PABPC4L: variants seen among roughly 807,000 people sequenced by gnomAD.
PABPC4L encodes the protein polyadenylate-binding protein 4-like.
For missense variants in PABPC4L, 452 were observed against 451.4 expected (o/e 1.00, Z -0.01); for synonymous variants, 169 against 164.1 (o/e 1.03, Z -0.23).
At chr4:134,057,199 CTAA>C in the PABPC4L span, among the ~76,000 whole-genome samples, 2 of 152,064 alleles carry the variant, frequency 1.3e-5, no homozygotes, top group African/African-American at 4.8e-5. Context: ...TCCAGTGACA[CTAA>C]TGTTATATCT....
the PABPC4L span, among the ~76,000 whole-genome samples, chr4:134,110,372 T>C: frequency 2.6e-5 from 4 of 151,998 alleles, no homozygotes; most frequent in South Asian, 4.1e-4. Flanking sequence ...AAGATTATTC[T>C]AAAGGATTTT....
At chr4:133,982,630 G>A in the PABPC4L span, among the ~76,000 whole-genome samples, 1 of 151,908 alleles carries the variant, frequency 6.6e-6, no homozygotes, top group Non-Finnish European at 1.5e-5. Context: ...GGTTATGAAC[G>A]TTTTGGAGCA....
At chr4:134,136,655 C>T in the PABPC4L span, among the ~76,000 whole-genome samples, 1 of 151,992 alleles carries the variant, frequency 6.6e-6, no homozygotes, top group East Asian at 1.9e-4. Flanking sequence ...TGGACATCTG[C>T]ATTCTAGAAA....
the PABPC4L span, among the ~76,000 whole-genome samples, chr4:134,094,236 T>C: frequency 0.025 from 3,788 of 152,054 alleles, 132 homozygotes; most frequent in African/African-American, 0.085. Context: ...CTTAATTTTT[T>C]CCATATTTTT....
the PABPC4L span, among the ~76,000 whole-genome samples, chr4:134,183,829 T>G: frequency 6.6e-6 from 1 of 151,924 alleles, no homozygotes; most frequent in Middle Eastern, 3.4e-3. Context: ...TTTTCATTGA[T>G]TAGAAGGCTA....
Position 134,199,046 on chromosome 4 carries a change from T to C in PABPC4L, c.*861A>G, listed in dbSNP as rs1031119523. The C allele has an allele frequency of 1.3e-5, 2 of 152,058 alleles. No individual in the cohort carries two copies. The highest frequency in any genetic ancestry group is 2.9e-5 in the Non-Finnish European group (2 of 67,910). 9.4% of individuals were successfully genotyped at this position (152,058 alleles called of 1,614,324 possible). On this transcript the variant is annotated 3_prime_UTR_variant, in exon 2 of 2. Transcript: ENST00000421491. ...AAACAGAATTTCTATAATCTGTATG[T>C]ATGATTTTCATAATATTAGCATCTG...
chr4:133,974,375 A>T, the PABPC4L span, among the ~76,000 whole-genome samples: 2 of 152,146 alleles, frequency 1.3e-5, no homozygotes, highest in African/African-American at 4.8e-5. Flanking sequence ...AGAGATGTAA[A>T]TATAAGACTA....
chr4:134,135,988 T>C, the PABPC4L span, among the ~76,000 whole-genome samples: 1 of 152,128 alleles, frequency 6.6e-6, no homozygotes, highest in Admixed American at 6.6e-5. Flanking sequence ...AAAAATAGCA[T>C]CTTTCCATTA....
the PABPC4L span, among the ~76,000 whole-genome samples, chr4:134,006,580 G>T: frequency 2.6e-5 from 4 of 151,874 alleles, no homozygotes; most frequent in African/African-American, 9.7e-5. Context: ...CTACAGCAAG[G>T]ATGCATCCAA....
the PABPC4L span, among the ~76,000 whole-genome samples, chr4:133,981,479 T>A: frequency 7.9e-5 from 12 of 152,160 alleles, no homozygotes; most frequent in Non-Finnish European, 2.9e-5. Flanking sequence ...ATTGCATTAC[T>A]AATGTTATTC....
the PABPC4L span, among the ~76,000 whole-genome samples, chr4:134,030,765 T>TA: frequency 6.6e-6 from 1 of 151,998 alleles, no homozygotes; most frequent in Non-Finnish European, 1.5e-5. Context: ...GCCCTAAGAA[T>TA]AAAAAACTGA....
chr4:133,962,457 A>G, the PABPC4L span, among the ~76,000 whole-genome samples: 124 of 152,342 alleles, frequency 8.1e-4, no homozygotes, highest in African/African-American at 2.9e-3. Flanking sequence ...ACTTCAGGAG[A>G]CATCGGACAC....
chr4:134,112,120 A>C, the PABPC4L span, among the ~76,000 whole-genome samples: 14 of 152,024 alleles, frequency 9.2e-5, 1 homozygote, highest in Non-Finnish European at 2.9e-5. Context: ...GTCATTAGTG[A>C]AGAAGAAAGA....
At chr4:134,009,971 C>G in the PABPC4L span, among the ~76,000 whole-genome samples, 2 of 152,044 alleles carry the variant, frequency 1.3e-5, no homozygotes, top group Admixed American at 6.6e-5. Flanking sequence ...ACATAGGAAA[C>G]TACAAAAGAG....
the PABPC4L span, among the ~76,000 whole-genome samples, chr4:134,110,231 A>G: frequency 6.6e-6 from 1 of 152,028 alleles, no homozygotes; most frequent in Non-Finnish European, 1.5e-5. Flanking sequence ...TACTATAATT[A>G]CTGAATAACT....
chr4:134,110,871 C>T, the PABPC4L span, among the ~76,000 whole-genome samples: 1 of 151,886 alleles, frequency 6.6e-6, no homozygotes, highest in Admixed American at 6.6e-5. Context: ...TTTTATTTTT[C>T]TGATCCACAG....
the PABPC4L span, among the ~76,000 whole-genome samples, chr4:134,112,716 T>C: frequency 6.6e-6 from 1 of 151,934 alleles, no homozygotes; most frequent in Non-Finnish European, 1.5e-5. Flanking sequence ...TGTGCATGTA[T>C]ATATATGTGT....
chr4:134,052,308 T>C, the PABPC4L span, among the ~76,000 whole-genome samples: 4 of 152,062 alleles, frequency 2.6e-5, no homozygotes, highest in African/African-American at 9.7e-5. Flanking sequence ...AACCATTTAA[T>C]TTTTTTAGCC....
the PABPC4L span, among the ~76,000 whole-genome samples, chr4:134,017,595 A>G: frequency 5.9e-5 from 9 of 152,162 alleles, no homozygotes; most frequent in Non-Finnish European, 8.8e-5. Context: ...TGCTGGCAGG[A>G]CTATGCTGAA....
Sources: allele counts gnomAD v4.1 joint callset (sites outside exome capture counted in the v4.1 genomes callset), GRCh38; gene constraint gnomAD v4.1.1; transcripts MANE v1.5; gene names NCBI Gene and HGNC (gene_info 2026-07-23, HGNC 2026-07-21).